PTPRD: variants seen among roughly 807,000 people sequenced by gnomAD.
PTPRD encodes the protein protein tyrosine phosphatase receptor type D, also known as receptor-type tyrosine-protein phosphatase delta.
PTPRD carries 34 observed loss-of-function variants against 214.5 expected under a neutral mutation model. The observed-to-expected ratio is 0.16, with a 90% CI of 0.12 to 0.21. PTPRD has a LOEUF of 0.21. PTPRD is among the 10% of genes least tolerant of loss of function. PTPRD has a pLI of 1.00. For synonymous variants in PTPRD, 1,128 were observed against 845.7 expected (o/e 1.33, Z -5.79); for missense variants, 2,545 against 2,398.7 (o/e 1.06, Z -1.27).
intron 4 of PTPRD, among the ~76,000 whole-genome samples, chr9:9,973,377 C>T (rs956342451): frequency 6.6e-6 from 1 of 151,528 alleles, no homozygotes; most frequent in Non-Finnish European, 1.5e-5. Flanking sequence ...AAGGCTGAAG[C>T]CGGAGGGTTA....
chr9:9,665,767 G>A (rs1219337659), intron 7 of PTPRD, among the ~76,000 whole-genome samples: 1 of 151,810 alleles, frequency 6.6e-6, no homozygotes, highest in East Asian at 1.9e-4. Flanking sequence ...AAATGAGATT[G>A]ATGTTTTAAC....
intron 11 of PTPRD, among the ~76,000 whole-genome samples, chr9:8,948,563 T>TTATATATA (rs1226681796): frequency 1.2e-5 from 1 of 86,398 alleles, no homozygotes; most frequent in Non-Finnish European, 2.2e-5. Context: ...TTATATATAT[T>TTATATATA]TATATATATA....
chr9:9,451,104 C>A (rs1231810412), intron 8 of PTPRD, among the ~76,000 whole-genome samples: 1 of 151,502 alleles, frequency 6.6e-6, no homozygotes, highest in Non-Finnish European at 1.5e-5. Flanking sequence ...TCAGTAAATG[C>A]CAAAGTCAGC....
intron 7 of PTPRD, among the ~76,000 whole-genome samples, chr9:9,597,086 G>A (rs968763214): frequency 1.2e-4 from 19 of 152,014 alleles, no homozygotes; most frequent in African/African-American, 4.6e-4. Context: ...ATTGAAAAAC[G>A]AATGAAAGTA....
intron 12 of PTPRD, among the ~76,000 whole-genome samples, chr9:8,692,966 G>C (rs1434266): frequency 0.1 from 15,709 of 152,198 alleles, 1,021 homozygotes; most frequent in South Asian, 0.15. Flanking sequence ...ACGCCAGTGT[G>C]ATTCAAATCC....
intron 2 of PTPRD, among the ~76,000 whole-genome samples, chr9:10,506,812 G>T (rs72700971): frequency 0.099 from 15,008 of 151,946 alleles, 1,002 homozygotes; most frequent in African/African-American, 0.18. Context: ...TTCAATTTGG[G>T]TTTGCGTGAT....
intron 5 of PTPRD, among the ~76,000 whole-genome samples, chr9:9,815,604 T>C (rs2048500956): frequency 6.6e-6 from 1 of 152,102 alleles, no homozygotes; most frequent in Admixed American, 6.5e-5. Context: ...ATGCAATCCT[T>C]ATATGCTTCC....
At chr9:9,666,690 G>GT (rs1207691193) in intron 7 of PTPRD, among the ~76,000 whole-genome samples, 3 of 151,916 alleles carry the variant, frequency 2.0e-5, no homozygotes, top group African/African-American at 7.2e-5. Context: ...ACTTTCAACT[G>GT]TCTTGTGGCA....
chr9:10,466,012 T>A lies in PTPRD; in HGVS notation c.-599-124995A>T, dbSNP rs192595693. On this transcript the variant is annotated intron_variant, in intron 2 of 45. Coordinates refer to ENST00000381196, the MANE Select transcript of PTPRD (RefSeq NM_002839.4). The stretch of plus-strand genomic sequence containing the variant: ...CTATGATTACCGATTGAAAAACTTA[T>A]GTGGAGAAATGAATGAGCGAAACTA... Among the ~76,000 whole-genome samples the A allele has an allele frequency of 1.8e-4, 27 of 152,298 alleles. No individual in the cohort carries two copies. The East Asian group carries it at 5.0e-3, about 28-fold the overall frequency.
intron 32 of PTPRD, among the ~76,000 whole-genome samples, chr9:8,462,243 T>C (rs1330021777): frequency 6.6e-6 from 1 of 151,944 alleles, no homozygotes. Flanking sequence ...TGGATACTGA[T>C]TTTACCTTAC....
chr9:9,828,018 G>C (rs1180508625), intron 5 of PTPRD, among the ~76,000 whole-genome samples: 3 of 152,162 alleles, frequency 2.0e-5, no homozygotes, highest in African/African-American at 7.2e-5. Flanking sequence ...GTGCTGGAGA[G>C]GATGTGGAGA....
intron 2 of PTPRD, among the ~76,000 whole-genome samples, chr9:10,374,799 G>T (rs1309221688): frequency 6.6e-6 from 1 of 151,946 alleles, no homozygotes; most frequent in African/African-American, 2.4e-5. Flanking sequence ...AGTTAATTTT[G>T]GTGGGGGGCG....
At chr9:9,435,923 A>C (rs940621129) in intron 8 of PTPRD, among the ~76,000 whole-genome samples, 1 of 152,206 alleles carries the variant, frequency 6.6e-6, no homozygotes, top group Non-Finnish European at 1.5e-5. Context: ...AAAAGTAAAT[A>C]GTGTATGTAT....
intron 3 of PTPRD, among the ~76,000 whole-genome samples, chr9:10,172,276 T>A (rs1313001723): frequency 1.3e-5 from 2 of 152,190 alleles, no homozygotes; most frequent in Non-Finnish European, 2.9e-5. Flanking sequence ...CAGCCTATAA[T>A]ATATTTATAA....
chr9:9,215,769 A>G (rs937491501), intron 9 of PTPRD, among the ~76,000 whole-genome samples: 3 of 152,160 alleles, frequency 2.0e-5, no homozygotes, highest in Non-Finnish European at 4.4e-5. Context: ...TGATTCATTG[A>G]TTCACTGTAG....
chr9:9,311,267 T>C (rs1308683914), intron 9 of PTPRD, among the ~76,000 whole-genome samples: 1 of 152,178 alleles, frequency 6.6e-6, no homozygotes, highest in Non-Finnish European at 1.5e-5. Flanking sequence ...CAGGAAGTTG[T>C]TGAGCAGGCA....
chr9:8,559,596 C>T (rs2085348380), intron 14 of PTPRD, among the ~76,000 whole-genome samples: 1 of 152,176 alleles, frequency 6.6e-6, no homozygotes, highest in East Asian at 1.9e-4. Flanking sequence ...GATGAGAAGC[C>T]CAACAGATTC....
chr9:9,244,614 T>G (rs2099972095), intron 9 of PTPRD, among the ~76,000 whole-genome samples: 1 of 152,178 alleles, frequency 6.6e-6, no homozygotes, highest in African/African-American at 2.4e-5. Context: ...AACCCTTCCT[T>G]ACACCTTATA....
chr9:9,449,860 G>A (rs1263929455), intron 8 of PTPRD, among the ~76,000 whole-genome samples: 2 of 151,836 alleles, frequency 1.3e-5, no homozygotes, highest in Non-Finnish European at 2.9e-5. Context: ...TATATACAAT[G>A]TGTGGTCTTT....
Sources: gnomAD v4.1 joint callset for allele counts (sites outside exome capture counted in the v4.1 genomes callset) on GRCh38, gnomAD v4.1.1 for gene constraint, MANE v1.5 for transcripts, NCBI Gene and HGNC (gene_info 2026-07-23, HGNC 2026-07-21) for gene names.